The following SH3TC1 variants were observed in gnomAD, a reference collection of about 807,000 sequenced individuals.
The protein encoded by SH3TC1 is SH3 domain and tetratricopeptide repeat-containing protein 1.
SH3TC1 carries 135 observed loss-of-function variants against 117.3 expected under a neutral mutation model. The ratio of observed to expected loss-of-function variants is 1.15; its 90% CI spans 1.00 to 1.33. SH3TC1 has a LOEUF of 1.33. Ranked by LOEUF, SH3TC1 falls within the 40% of genes most tolerant of loss-of-function variation. The pLI is 0.00. For synonymous variants in SH3TC1, 898 were observed against 816.9 expected (o/e 1.10, Z -1.69); for missense variants, 2,092 against 1,794.3 (o/e 1.17, Z -3.00).
At chr4:8,231,068 C>G (rs1481954225) in intron 12 of SH3TC1, 1 of 152,316 alleles carries the variant, frequency 6.6e-6, no homozygotes, top group Non-Finnish European at 1.5e-5. Flanking sequence ...AGGCATGAGC[C>G]ATTGCTCTGG....
chr4:8,202,664 G>C (rs1406097140), intron 1 of SH3TC1, among the ~76,000 whole-genome samples: 1 of 152,170 alleles, frequency 6.6e-6, no homozygotes, highest in Non-Finnish European at 1.5e-5. Flanking sequence ...AGGGGCTGTC[G>C]CCTCTGCAAG....
Position 8,200,571 on chromosome 4 carries a change from G to A in SH3TC1, c.-29+1166G>A, listed in dbSNP as rs142509377. On this transcript the variant is annotated intron_variant, in intron 1 of 17. Coordinates refer to ENST00000245105, the MANE Select transcript of SH3TC1 (RefSeq NM_018986.5). The stretch of plus-strand genomic sequence containing the variant: ...GGGCCAGCGTTTTTTGCATGGAGAC[G>A]TCACTCACTCTTCCAGCAACACGGG... Among the ~76,000 whole-genome samples the A allele has an allele frequency of 1.2e-4, 18 of 152,304 alleles. No homozygotes were observed. In the East Asian group the frequency reaches 1.4e-3, roughly 11 times the overall value.
chr4:8,238,328 G>A (rs903173399), intron 17 of SH3TC1, among the ~76,000 whole-genome samples: 1 of 152,214 alleles, frequency 6.6e-6, no homozygotes, highest in Admixed American at 6.5e-5. Context: ...CTGGAGAGGA[G>A]GTGCTGGGAC....
At position 8,227,187 on chromosome 4, in the gene SH3TC1, C is replaced by T. The variant is rs1720539820; in HGVS notation, c.1493C>T (p.Ala498Val). The T allele has an allele frequency of 1.3e-5, 20 of 1,581,348 alleles. No individual in the cohort carries two copies. The highest frequency in any genetic ancestry group is 1.7e-5 in the Non-Finnish European group (20 of 1,161,926). Reference protein sequence around the residue: ...EAEDDWEDPEALSSLLLFLNA... With the variant: ...EAEDDWEDPEVLSSLLLFLNA... ...GAGGACGACTGGGAGGACCCAGAGG[C>T]CCTGAGCTCACTGCTGCTGTTCCTG... Residue 498 changes from alanine to valine, a missense_variant, in exon 12 of 18, where the codon GCC (alanine) becomes GTC (valine). Physicochemically the swap from Ala to Val is moderately conservative, Grantham distance 64 (BLOSUM62 0). Coordinates refer to ENST00000245105, the MANE Select transcript of SH3TC1 (RefSeq NM_018986.5).
rs537725356 is a variant in SH3TC1 at position 8,190,348 on chromosome 4, G to C, written c.-57+8138G>C. The stretch of plus-strand genomic sequence containing the variant: ...TTAATGACTGTGTAAGCCAAGGTCA[G>C]GATCAACCCCCATCACTGGGCTCTG... On this transcript the variant is annotated intron_variant, in intron 1 of 16. Coordinates refer to the SH3TC1 transcript ENST00000508641. This position sits in a 1 kb window ranked among gnomAD's most constrained non-coding sequence, Gnocchi z 4.7. Among the ~76,000 whole-genome samples the C allele has an allele frequency of 6.6e-4, 101 of 152,266 alleles. No homozygotes were observed. Among genetic ancestry groups the C allele is most frequent in the African/African-American group, 2.4e-3 (99 of 41,562 alleles).
chr4:8,239,834 C>T (rs1382511657), intron 17 of SH3TC1, among the ~76,000 whole-genome samples: 5 of 152,226 alleles, frequency 3.3e-5, no homozygotes, highest in Non-Finnish European at 5.9e-5. Flanking sequence ...GGAGCAGGGA[C>T]GTTAGGCTCA....
At chr4:8,215,015 C>A (rs372049163) in intron 5 of SH3TC1, among the ~76,000 whole-genome samples, 2 of 152,234 alleles carry the variant, frequency 1.3e-5, no homozygotes, top group African/African-American at 4.8e-5. Flanking sequence ...AAAGGCCTCA[C>A]TAGCAAGATA....
chr4:8,205,979 C>T lies in SH3TC1; in HGVS notation c.172+613C>T, dbSNP rs910074166. On this transcript the variant is annotated intron_variant, in intron 2 of 17. Transcript: ENST00000245105. This position sits in a 1 kb window ranked among gnomAD's most constrained non-coding sequence, Gnocchi z 5.4. Reference sequence around the variant, plus strand: ...GAGACAGCTGCGGTTGTGACCCGTCCCTGGGCCTCGTCCTCCCAGTGTCCA... The same window carrying T: ...GAGACAGCTGCGGTTGTGACCCGTCTCTGGGCCTCGTCCTCCCAGTGTCCA... The T allele has an allele frequency of 1.1e-4, 42 of 395,300 alleles. No individual in the cohort carries two copies. Among genetic ancestry groups the T allele is most frequent in the Non-Finnish European group, 3.2e-5 (7 of 218,128 alleles). The allele number at this position is 395,300 out of a possible 1,614,324, so 24.5% of individuals were successfully genotyped here. A position where few individuals can be genotyped will look rare whatever the true frequency, so the allele number is the denominator to read the frequency against.
Position 8,227,501 on chromosome 4 carries a change from G to C in SH3TC1, c.1807G>C (p.Val603Leu). ...SFGDLFLVVA[V>L]YANLASIYRK... is the part of the protein sequence containing the mutation. Reference sequence around the variant, plus strand: ...CGGGGACCTGTTCCTAGTGGTGGCTGTGTACGCCAACCTGGCCAGCATTTA... The same window carrying C: ...CGGGGACCTGTTCCTAGTGGTGGCTCTGTACGCCAACCTGGCCAGCATTTA... The change falls in exon 12 of 18, where the codon GTG (valine) becomes CTG (leucine). Residue 603 changes from valine (V) to leucine (L), a missense_variant. Val to Leu is a conservative substitution (Grantham distance 32, BLOSUM62 1). Coordinates refer to ENST00000245105, the MANE Select transcript of SH3TC1 (RefSeq NM_018986.5). 1 of 1,557,156 alleles carries C rather than the reference G, an allele frequency of 6.4e-7. No individual in the cohort carries two copies. Among genetic ancestry groups the C allele is most frequent in the South Asian group, 1.2e-5 (1 of 80,396 alleles).
intron 9 of SH3TC1, 73 bp downstream of exon 9, chr4:8,219,603 C>T (rs1456712991): frequency 1.5e-6 from 2 of 1,374,802 alleles, no homozygotes; most frequent in East Asian, 2.7e-5. Context: ...CTGCGTCCAC[C>T]TGGCTCCCCA....
rs1721812600 is a variant in SH3TC1, at chr4:8,236,332, C to T, written c.3460C>T (p.Leu1154=). Residue 1154 remains leucine (L), a synonymous_variant, in exon 16 of 18, where the codon CTG becomes TTG. Coordinates refer to ENST00000245105, the MANE Select transcript of SH3TC1 (RefSeq NM_018986.5). ...GGGCAACCGCAAGGCGGAGCTGCGG[C>T]TGTGCAACAAGCTGGTGGCACTGCT... ...TTGNRKAELR[L]CNKLVALLAT... 1.3e-6 allele frequency: 2 copies of T among 1,553,430 alleles called. No individual in the cohort carries two copies. The highest frequency in any genetic ancestry group is 1.7e-6 in the Non-Finnish European group (2 of 1,148,958).
chr4:8,229,766 C>G lies in SH3TC1; in HGVS notation c.2950+1122C>G, dbSNP rs891216809. On this transcript the variant is annotated intron_variant, in intron 12 of 17. Coordinates refer to ENST00000245105, the MANE Select transcript of SH3TC1 (RefSeq NM_018986.5). ...GCCATTCTCTGACTGCAAGGAGACC[C>G]TCCAGAAACCCGGCACCCCAGCCCC... Among the ~76,000 whole-genome samples, 6 of 152,054 alleles carry G rather than the reference C, an allele frequency of 3.9e-5. No homozygotes were observed. In the East Asian group the frequency reaches 1.2e-3, roughly 29 times the overall value.
intron 1 of SH3TC1, among the ~76,000 whole-genome samples, chr4:8,191,731 G>A (rs1008448157): frequency 2.6e-5 from 4 of 152,274 alleles, no homozygotes; most frequent in African/African-American, 9.6e-5. Flanking sequence ...AGAGATTTGT[G>A]CAGGTCCTTC....
intron 5 of SH3TC1, among the ~76,000 whole-genome samples, chr4:8,215,662 G>C (rs1719187714): frequency 6.6e-6 from 1 of 152,206 alleles, no homozygotes; most frequent in Non-Finnish European, 1.5e-5. Flanking sequence ...CCCCAGACGA[G>C]AGGGGGGAGC....
intron 11 of SH3TC1, 123 bp from the exon 12 acceptor site, chr4:8,226,857 T>C (rs1720496578): frequency 1.7e-6 from 1 of 596,376 alleles, no homozygotes; most frequent in East Asian, 3.3e-5. Context: ...GCCGGTAGGG[T>C]GGTATCGTCT....
Position 8,233,439 on chromosome 4 carries a change from G to C in SH3TC1, c.3208G>C (p.Ala1070Pro), listed in dbSNP as rs554194875. 1 of 1,613,972 alleles carries C rather than the reference G, an allele frequency of 6.2e-7. No individual in the cohort carries two copies. ...FIDLQKKEKE[A>P]HAWLQAGKIY... ...TGACCTCCAGAAGAAAGAGAAGGAGGCGCATGCCTGGCTGCAAGCAGGGAA... is the reference window on the plus strand; with the variant it reads ...TGACCTCCAGAAGAAAGAGAAGGAGCCGCATGCCTGGCTGCAAGCAGGGAA... Residue 1070 changes from alanine (A) to proline (P), a missense_variant, in exon 14 of 18, where the codon GCG becomes CCG. Transcript: ENST00000245105.
At chr4:8,229,330 GAGA>G (rs1720898405) in intron 12 of SH3TC1, 1 of 151,004 alleles carries the variant, frequency 6.6e-6, no homozygotes, top group African/African-American at 2.4e-5. Context: ...CCAGAGGGTT[GAGA>G]AGATTTAGTC....
intron 1 of SH3TC1, among the ~76,000 whole-genome samples, chr4:8,188,721 C>G (rs567388493): frequency 8.9e-4 from 136 of 152,348 alleles, no homozygotes; most frequent in African/African-American, 2.8e-3. Context: ...TGGCTGGACA[C>G]CAAAGTGGTG....
At position 8,225,052 on chromosome 4, in the gene SH3TC1, T is replaced by C; in HGVS notation, c.1244-123T>C. ...CGCAACACCAGCACCCTGCAACATC[T>C]CAGCCCTCAATACCTGCACCCAGCA... On this transcript the variant is annotated intron_variant, in intron 10 of 17. Coordinates refer to ENST00000245105, the MANE Select transcript of SH3TC1 (RefSeq NM_018986.5). This position sits in a 1 kb window ranked among gnomAD's most constrained non-coding sequence, Gnocchi z 5.5. 7 of 1,194,246 alleles carry C rather than the reference T, an allele frequency of 5.9e-6. No individual in the cohort carries two copies. Among genetic ancestry groups the C allele is most frequent in the Non-Finnish European group, 8.4e-6 (7 of 830,594 alleles). The allele number at this position is 1,194,246 out of a possible 1,614,324, so 74.0% of individuals were successfully genotyped here.
Sources: gnomAD v4.1 joint callset for allele counts (sites outside exome capture counted in the v4.1 genomes callset) on GRCh38, gnomAD v4.1.1 for gene constraint, Gnocchi (gnomAD v3.1) non-coding constraint, MANE v1.5 for transcripts, NCBI Gene and HGNC (gene_info 2026-07-23, HGNC 2026-07-21) for gene names.